Variants in ME1 observed in about 807,000 individuals in gnomAD.
ME1 encodes the protein malic enzyme 1.
A neutral mutation model predicts 66.4 loss-of-function variants in ME1; 74 were observed. That is an observed-to-expected ratio of 1.11 (90% CI 0.92 to 1.35). The LOEUF is 1.35. ME1 is among the 40% of genes most tolerant of loss of function. ME1 has a pLI of 0.00. For synonymous variants in ME1, 251 were observed against 235.6 expected, an observed-to-expected ratio of 1.07 and a Z score of -0.60; for missense variants, 750 against 694.1, an observed-to-expected ratio of 1.08 and a Z score of -0.90.
chr6:83,305,352 G>A (rs1253603665), intron 6 of ME1, among the ~76,000 whole-genome samples: 1 of 152,094 alleles, frequency 6.6e-6, no homozygotes, highest in Non-Finnish European at 1.5e-5. Flanking sequence ...TTTAAAAAAG[G>A]AAAAGTAGAG....
At chr6:83,406,040 C>A (rs955577133) in intron 2 of ME1, among the ~76,000 whole-genome samples, 54 of 152,048 alleles carry the variant, frequency 3.6e-4, no homozygotes, top group African/African-American at 1.3e-3. Flanking sequence ...TAACATGAAG[C>A]GATGTTTAAT....
chr6:83,224,838 T>G (rs1339791042), intron 11 of ME1, among the ~76,000 whole-genome samples: 1 of 152,066 alleles, frequency 6.6e-6, no homozygotes, highest in Non-Finnish European at 1.5e-5. Context: ...AACAATTGTC[T>G]TCATTTTGCC....
chr6:83,256,442 G>T (rs1432492621), intron 6 of ME1, among the ~76,000 whole-genome samples: 1 of 152,086 alleles, frequency 6.6e-6, no homozygotes, highest in Non-Finnish European at 1.5e-5. Context: ...TGAAAAAAAA[G>T]CTCATCATCA....
chr6:83,331,840 T>C (rs1477808703), intron 5 of ME1, among the ~76,000 whole-genome samples: 2 of 152,068 alleles, frequency 1.3e-5, no homozygotes, highest in Non-Finnish European at 1.5e-5. Flanking sequence ...ATATAACGTA[T>C]GAAAAGGTTC....
At chr6:83,283,667 C>A (rs924617053) in intron 6 of ME1, among the ~76,000 whole-genome samples, 14 of 151,992 alleles carry the variant, frequency 9.2e-5, no homozygotes, top group South Asian at 2.1e-4. Context: ...TATAAAGCAA[C>A]CAAATCTAGG....
intron 6 of ME1, among the ~76,000 whole-genome samples, chr6:83,260,672 C>T (rs775601077): frequency 7.2e-5 from 11 of 152,148 alleles, no homozygotes; most frequent in South Asian, 2.1e-4. Flanking sequence ...CATTTTAACT[C>T]CCACTTATAA....
chr6:83,277,322 T>G (rs569443252), intron 6 of ME1, among the ~76,000 whole-genome samples: 5 of 152,340 alleles, frequency 3.3e-5, no homozygotes, highest in African/African-American at 1.2e-4. Flanking sequence ...CAATGCCTTT[T>G]GAATCTGGGT....
At chr6:83,413,381 G>A (rs1770087895) in intron 1 of ME1, among the ~76,000 whole-genome samples, 1 of 152,026 alleles carries the variant, frequency 6.6e-6, no homozygotes. Flanking sequence ...GATTGTCTTT[G>A]AATCCTTTAT....
chr6:83,254,490 C>T (rs1012163441), intron 6 of ME1, among the ~76,000 whole-genome samples: 2 of 152,238 alleles, frequency 1.3e-5, no homozygotes, highest in Admixed American at 1.3e-4. Context: ...ACATATACAA[C>T]GTAACATGTA....
intron 6 of ME1, among the ~76,000 whole-genome samples, chr6:83,299,732 T>G (rs1767677735): frequency 6.6e-6 from 1 of 152,192 alleles, no homozygotes. Flanking sequence ...ATATGCACTG[T>G]GGGTCTGTCA....
At chr6:83,313,005 C>T (rs1166406901) in intron 6 of ME1, among the ~76,000 whole-genome samples, 1 of 152,160 alleles carries the variant, frequency 6.6e-6, no homozygotes, top group Admixed American at 6.5e-5. Flanking sequence ...GATCTGCTTG[C>T]CTCGGCCTTC....
intron 9 of ME1, among the ~76,000 whole-genome samples, chr6:83,230,576 T>A (rs1790285776): frequency 6.6e-6 from 1 of 152,126 alleles, no homozygotes; most frequent in African/African-American, 2.4e-5. Flanking sequence ...TTAAAATTTT[T>A]GTGAAGAAGA....
Position 83,306,604 on chromosome 6 carries a change from A to G in ME1, c.704+8706T>C, listed in dbSNP as rs539535902. ...CTCAAATCTTTAGTTTACTATAGGC[A>G]GAGACTCTTTATTTGGAAAACTGTG... On this transcript the variant is annotated intron_variant, in intron 6 of 13. Coordinates refer to ENST00000369705, the MANE Select transcript of ME1 (RefSeq NM_002395.6). 8.5e-5 allele frequency among the ~76,000 whole-genome samples: 13 copies of G among 152,232 alleles called. 1 individual carries two copies. In the East Asian group the frequency reaches 2.5e-3, roughly 29 times the overall value.
intron 2 of ME1, among the ~76,000 whole-genome samples, chr6:83,404,056 T>A (rs1210644146): frequency 6.6e-6 from 1 of 152,156 alleles, no homozygotes; most frequent in Non-Finnish European, 1.5e-5. Flanking sequence ...TGTTTCTGGT[T>A]CTAGATCCTT....
chr6:83,250,981 T>TA, intron 7 of ME1, among the ~76,000 whole-genome samples: 1 of 152,228 alleles, frequency 6.6e-6, no homozygotes, highest in East Asian at 1.9e-4. Context: ...GCAATAACTT[T>TA]ACAAAAACAG....
chr6:83,334,002 C>A (rs1768470720), intron 5 of ME1, among the ~76,000 whole-genome samples: 1 of 151,878 alleles, frequency 6.6e-6, no homozygotes, highest in African/African-American at 2.4e-5. Context: ...TCTACAGCTC[C>A]CAGCGTGAGC....
chr6:83,246,512 C>T (rs1790626262), intron 7 of ME1, among the ~76,000 whole-genome samples: 1 of 151,972 alleles, frequency 6.6e-6, no homozygotes, highest in Non-Finnish European at 1.5e-5. Context: ...CTTTTTATCT[C>T]TTAAAAATAT....
intron 3 of ME1, among the ~76,000 whole-genome samples, chr6:83,388,219 G>C (rs1005050996): frequency 7.3e-5 from 11 of 151,390 alleles, no homozygotes; most frequent in Non-Finnish European, 1.5e-4. Context: ...CCCTGAGTAG[G>C]TGGGACTATA....
chr6:83,397,446 G>A (rs143668917), intron 3 of ME1, among the ~76,000 whole-genome samples: 54 of 152,258 alleles, frequency 3.5e-4, no homozygotes, highest in African/African-American at 5.5e-4. Context: ...ACACTTGTTA[G>A]AACGGCTATA....
Sources: allele counts gnomAD v4.1 joint callset (sites outside exome capture counted in the v4.1 genomes callset), GRCh38; gene constraint gnomAD v4.1.1; transcripts MANE v1.5; gene names NCBI Gene and HGNC (gene_info 2026-07-23, HGNC 2026-07-21).